The following CAPZB variants were observed in gnomAD, a reference collection of about 807,000 sequenced individuals.
CAPZB encodes capping actin protein of muscle Z-line subunit beta, also known as F-actin-capping protein subunit beta.
In CAPZB, 2 loss-of-function variants were observed where a neutral mutation model predicts 38.1. The observed-to-expected ratio is 0.05, with a 90% confidence interval of 0.02 to 0.17. CAPZB has a LOEUF of 0.17. Among genes scored for constraint, CAPZB ranks in the 10% least tolerant of loss-of-function variants. CAPZB has a pLI of 1.00. For missense variants in CAPZB, 161 were observed against 334.2 expected, an observed-to-expected ratio of 0.48 and a Z score of 4.04; for synonymous variants, 107 against 127.4, an observed-to-expected ratio of 0.84 and a Z score of 1.08.
At chr1:19,481,768 G>A (rs1171201810) in intron 1 of CAPZB, among the ~76,000 whole-genome samples, 1 of 152,200 alleles carries the variant, frequency 6.6e-6, no homozygotes, top group Non-Finnish European at 1.5e-5. Flanking sequence ...AGTGGAGCCT[G>A]GCACAAGCCC....
chr1:19,343,966 G>A (rs1456242821), intron 8 of CAPZB, among the ~76,000 whole-genome samples: 3 of 152,190 alleles, frequency 2.0e-5, no homozygotes, highest in Non-Finnish European at 2.9e-5. Context: ...CTGCTGTCTC[G>A]GAGAGCAGGC....
intron 2 of CAPZB, among the ~76,000 whole-genome samples, chr1:19,409,921 T>C (rs1558236810): frequency 6.6e-6 from 1 of 152,250 alleles, no homozygotes. Context: ...GTTCGTTTAA[T>C]AGTTAATTCT....
chr1:19,455,338 T>C (rs2094529695), intron 1 of CAPZB, among the ~76,000 whole-genome samples: 1 of 152,238 alleles, frequency 6.6e-6, no homozygotes, highest in Non-Finnish European at 1.5e-5. Context: ...AGAGAGTCTA[T>C]TTCCATTTTT....
chr1:19,469,626 C>T (rs1410497298), intron 1 of CAPZB, among the ~76,000 whole-genome samples: 1 of 151,788 alleles, frequency 6.6e-6, no homozygotes. Flanking sequence ...ACGGAGAGAG[C>T]ATTTGTCAGA....
intron 1 of CAPZB, among the ~76,000 whole-genome samples, chr1:19,476,191 GATAGA>G: frequency 7.3e-6 from 1 of 136,186 alleles, no homozygotes; most frequent in Non-Finnish European, 1.5e-5. Context: ...TAGATAGATA[GATAGA>G]TAGATAGATA....
At chr1:19,456,613 A>T (rs1292833225) in intron 1 of CAPZB, among the ~76,000 whole-genome samples, 1 of 152,124 alleles carries the variant, frequency 6.6e-6, no homozygotes, top group Non-Finnish European at 1.5e-5. Flanking sequence ...ATTCAGAGCA[A>T]GAATACTCCA....
chr1:19,417,557 G>A (rs1211794075), intron 2 of CAPZB, among the ~76,000 whole-genome samples: 1 of 152,192 alleles, frequency 6.6e-6, no homozygotes, highest in Non-Finnish European at 1.5e-5. Context: ...TCATAGGACT[G>A]ATGAGAGTTT....
intron 3 of CAPZB, among the ~76,000 whole-genome samples, chr1:19,381,167 T>A (rs891194650): frequency 5.3e-5 from 8 of 151,536 alleles, no homozygotes; most frequent in African/African-American, 1.9e-4. Context: ...AGACTCCATC[T>A]CGGGGAAACA....
intron 2 of CAPZB, among the ~76,000 whole-genome samples, chr1:19,410,446 C>G (rs2094352466): frequency 6.6e-6 from 1 of 152,194 alleles, no homozygotes; most frequent in Non-Finnish European, 1.5e-5. Context: ...TTCAAAATAG[C>G]ACTTTCCCCC....
intron 3 of CAPZB, among the ~76,000 whole-genome samples, chr1:19,379,373 A>G (rs758510273): frequency 6.6e-6 from 1 of 152,138 alleles, no homozygotes; most frequent in East Asian, 1.9e-4. Context: ...TGCTGGGATT[A>G]TAGGTGTGAG....
intron 3 of CAPZB, among the ~76,000 whole-genome samples, chr1:19,379,254 A>G (rs1000142764): frequency 6.6e-6 from 1 of 152,116 alleles, no homozygotes; most frequent in African/African-American, 2.4e-5. Context: ...GCAAGCCACC[A>G]GGCCCAGCTA....
intron 4 of CAPZB, among the ~76,000 whole-genome samples, chr1:19,377,785 A>C (rs1347080368): frequency 9.2e-5 from 14 of 152,222 alleles, no homozygotes; most frequent in Non-Finnish European, 2.1e-4. Flanking sequence ...GTAAGCCTGA[A>C]CAATTAAGTG....
rs146141002 is a variant in CAPZB at position 19,421,977 on chromosome 1, ATCTC to A, written c.4-2231_4-2228del. 1.8e-4 allele frequency among the ~76,000 whole-genome samples: 27 copies of A among 150,122 alleles called. No individual in the cohort carries two copies. The East Asian group carries it at 3.3e-3, about 18-fold the overall frequency. ...TCCCCGCCCCTCAACCCAGCCCTGG[ATCTC>A]TCTCTCTCTCTCTTGCTCCCCTTAA... is the stretch of plus-strand genomic sequence containing the variant. On this transcript the variant is annotated intron_variant, in intron 1 of 8. Coordinates refer to ENST00000264202, the MANE Select transcript of CAPZB (RefSeq NM_004930.5).
intron 4 of CAPZB, among the ~76,000 whole-genome samples, chr1:19,366,055 C>CAA (rs2094082881): frequency 6.6e-6 from 1 of 151,344 alleles, no homozygotes; most frequent in African/African-American, 2.4e-5. Flanking sequence ...TAAGATTCCA[C>CAA]GAGTCTTTCT....
At chr1:19,372,741 AGCT>A (rs2094125481) in intron 4 of CAPZB, among the ~76,000 whole-genome samples, 1 of 152,254 alleles carries the variant, frequency 6.6e-6, no homozygotes, top group Non-Finnish European at 1.5e-5. Flanking sequence ...CCTCCGAGCC[AGCT>A]GCCCAGGAGT....
intron 2 of CAPZB, among the ~76,000 whole-genome samples, chr1:19,406,415 C>T (rs369833946): frequency 1.3e-5 from 2 of 152,272 alleles, no homozygotes; most frequent in South Asian, 2.1e-4. Context: ...GAGGCCAGAA[C>T]AGAACGCCCT....
At chr1:19,383,424 A>G (rs12730973) in intron 3 of CAPZB, among the ~76,000 whole-genome samples, 74,068 of 146,440 alleles carry the variant, frequency 0.51, 18,836 homozygotes, top group Non-Finnish European at 0.54. Flanking sequence ...TCCAACCTGG[A>G]CAACAGAGTG....
At chr1:19,407,318 T>C (rs2094336939) in intron 2 of CAPZB, among the ~76,000 whole-genome samples, 1 of 152,092 alleles carries the variant, frequency 6.6e-6, no homozygotes, top group Non-Finnish European at 1.5e-5. Flanking sequence ...GGTGAGCTGC[T>C]AAAATAGCCT....
chr1:19,344,276 A>G (rs2093948819), intron 8 of CAPZB, 82 bp downstream of exon 8: 1 of 1,123,444 alleles, frequency 8.9e-7, no homozygotes, highest in Admixed American at 1.7e-5. Context: ...CCGAGGCCCA[A>G]GACCACACAG....
Sources: allele counts gnomAD v4.1 joint callset (sites outside exome capture counted in the v4.1 genomes callset), GRCh38; gene constraint gnomAD v4.1.1; transcripts MANE v1.5; gene names NCBI Gene and HGNC (gene_info 2026-07-23, HGNC 2026-07-21).